ATXN10: variants seen among roughly 807,000 people sequenced by gnomAD.
The protein encoded by ATXN10 is ataxin 10.
A neutral mutation model predicts 52.9 loss-of-function variants in ATXN10; 28 were observed. The ratio of observed to expected loss-of-function variants is 0.53; its 90% CI spans 0.39 to 0.73. The LOEUF is 0.73. Ranked by LOEUF, ATXN10 falls within the 30% of genes least tolerant of loss-of-function variation. The pLI, the probability that ATXN10 is intolerant of heterozygous loss-of-function variation, is 0.00. For synonymous variants in ATXN10, 226 were observed against 221.5 expected (o/e 1.02, Z -0.18); for missense variants, 565 against 577.0 (o/e 0.98, Z 0.21).
chr22:45,778,589 T>A (rs571890343), intron 9 of ATXN10, among the ~76,000 whole-genome samples: 2 of 152,320 alleles, frequency 1.3e-5, no homozygotes, highest in South Asian at 4.1e-4. Flanking sequence ...AGGTTTTTAC[T>A]GAAATAACGA....
rs550197622 is a variant in ATXN10, at chr22:45,762,473, G to C, written c.1173+21935G>C. Among the ~76,000 whole-genome samples the C allele has an allele frequency of 8.9e-4, 136 of 152,258 alleles. No individual in the cohort carries two copies. Among genetic ancestry groups the C allele is most frequent in the Non-Finnish European group, 1.3e-3 (90 of 68,000 alleles). The stretch of plus-strand genomic sequence containing the variant: ...GCATGTTCTGGCTGAGTGTTGGTGG[G>C]CTCCACCCTAGCCGAACCTGTGTCT... On this transcript the variant is annotated intron_variant, in intron 9 of 11. Transcript: ENST00000252934. This position sits in a 1 kb window ranked among gnomAD's most constrained non-coding sequence, Gnocchi z 4.3.
At chr22:45,714,351 T>C (rs1367070852) in intron 5 of ATXN10, among the ~76,000 whole-genome samples, 1 of 152,134 alleles carries the variant, frequency 6.6e-6, no homozygotes, top group Non-Finnish European at 1.5e-5. Context: ...ACATGTATTT[T>C]TCTGTTTTTG....
At position 45,811,870 on chromosome 22, in the gene ATXN10, C is replaced by T. The variant is rs572531588; in HGVS notation, c.1237+4848C>T. 5 of 444,692 alleles carry T rather than the reference C, an allele frequency of 1.1e-5. No homozygotes were observed. In the East Asian group the frequency reaches 3.5e-4, roughly 31 times the overall value. The allele number at this position is 444,692 out of a possible 1,614,324, so 27.5% of individuals were successfully genotyped here. On this transcript the variant is annotated intron_variant, in intron 10 of 11. Coordinates refer to ENST00000252934, the MANE Select transcript of ATXN10 (RefSeq NM_013236.4). ...CTGGATCATTCCTCTCTGATTCTCCCACTCCCCACACCACCTTGCATAAGC... is the reference window on the plus strand; with the variant it reads ...CTGGATCATTCCTCTCTGATTCTCCTACTCCCCACACCACCTTGCATAAGC...
At chr22:45,697,201 C>A (rs1411660145) in intron 3 of ATXN10, among the ~76,000 whole-genome samples, 1 of 151,950 alleles carries the variant, frequency 6.6e-6, no homozygotes, top group Non-Finnish European at 1.5e-5. Context: ...GTGGCACAAT[C>A]TCGGCTCACT....
chr22:45,734,113 T>C (rs918777586), intron 7 of ATXN10, among the ~76,000 whole-genome samples: 1 of 152,154 alleles, frequency 6.6e-6, no homozygotes, highest in Non-Finnish European at 1.5e-5. Context: ...AATGTTATAG[T>C]GAACATCCTT....
intron 9 of ATXN10, among the ~76,000 whole-genome samples, chr22:45,746,875 G>A (rs1377988686): frequency 6.6e-6 from 1 of 152,110 alleles, no homozygotes. Flanking sequence ...TTCAGTATAC[G>A]TGTGCTGTTG....
In ATXN10 at chr22:45,707,552, G is replaced by A. The variant is rs140549227; in HGVS notation, c.647+4705G>A. 1.3e-3 allele frequency among the ~76,000 whole-genome samples: 203 copies of A among 151,684 alleles called. 1 individual carries two copies. The highest frequency in any genetic ancestry group is 4.8e-3 in the African/African-American group (197 of 41,412). On this transcript the variant is annotated intron_variant, in intron 5 of 11. Coordinates refer to ENST00000252934, the MANE Select transcript of ATXN10 (RefSeq NM_013236.4). ...TTTATTTGTTGAGTACCTTGGGTCT[G>A]TATTTTAATCATCTGCAGTTTTTTT...
At chr22:45,698,092 A>C (rs1484567953) in intron 3 of ATXN10, among the ~76,000 whole-genome samples, 1 of 152,090 alleles carries the variant, frequency 6.6e-6, no homozygotes. Context: ...GTCTATCATG[A>C]GTCATGCTGT....
rs1261366114 is a variant in ATXN10 at position 45,818,578 on chromosome 22, C to T, written c.1237+11556C>T. 6.6e-6 allele frequency among the ~76,000 whole-genome samples: 1 copy of T among 152,104 alleles called. No individual in the cohort carries two copies. Among genetic ancestry groups the T allele is most frequent in the East Asian group, 1.9e-4 (1 of 5,180 alleles). ...TCCTTTTTGGTTTGAAGGTGACCACCCTCGCTTTCAGCGGACCGGGGCAGG... is the reference window on the plus strand; with the variant it reads ...TCCTTTTTGGTTTGAAGGTGACCACTCTCGCTTTCAGCGGACCGGGGCAGG... On this transcript the variant is annotated intron_variant, in intron 10 of 11. Transcript: ENST00000252934. The surrounding 1 kb of genome is among the most constrained non-coding windows in gnomAD (Gnocchi z 4.6).
chr22:45,751,062 C>T (rs940408929), intron 9 of ATXN10, among the ~76,000 whole-genome samples: 2 of 152,034 alleles, frequency 1.3e-5, no homozygotes, highest in South Asian at 4.2e-4. Flanking sequence ...TCCTGAGTAG[C>T]TGGGATTACA....
chr22:45,731,457 C>T (rs572162567), intron 7 of ATXN10, among the ~76,000 whole-genome samples: 24 of 152,278 alleles, frequency 1.6e-4, no homozygotes, highest in Admixed American at 1.4e-3. Context: ...TATTTCATTG[C>T]ATGTATATTA....
rs1242409896 is a variant in ATXN10, at chr22:45,790,491, A to C, written c.1174-16468A>C. Among the ~76,000 whole-genome samples the C allele has an allele frequency of 6.6e-6, 1 of 152,230 alleles. No homozygotes were observed. On this transcript the variant is annotated intron_variant, in intron 9 of 11. Coordinates refer to ENST00000252934, the MANE Select transcript of ATXN10 (RefSeq NM_013236.4). The surrounding 1 kb of genome is among the most constrained non-coding windows in gnomAD (Gnocchi z 4.7). ...AAACCAATACTTCTTACTTGTTGCC[A>C]ACTAGCAGACCATAGCAGAAAGTCT... is the stretch of plus-strand genomic sequence containing the variant.
chr22:45,733,396 T>C lies in ATXN10; in HGVS notation c.894+3806T>C, dbSNP rs1925162522. ...TTTGTATTACGCAAATAATGCTTGC[T>C]TTGTTGTTAAAAATTATTTAAGCTG... On this transcript the variant is annotated intron_variant, in intron 7 of 11. Coordinates refer to ENST00000252934, the MANE Select transcript of ATXN10 (RefSeq NM_013236.4). The surrounding 1 kb of genome is among the most constrained non-coding windows in gnomAD (Gnocchi z 4.4). 6.6e-6 allele frequency among the ~76,000 whole-genome samples: 1 copy of C among 152,230 alleles called. No homozygotes were observed. The highest frequency in any genetic ancestry group is 6.5e-5 in the Admixed American group (1 of 15,284).
chr22:45,806,826 A>G, intron 9 of ATXN10, 133 bp from the exon 10 acceptor site: 3 of 729,466 alleles, frequency 4.1e-6, no homozygotes, highest in Non-Finnish European at 7.3e-6. Context: ...CTGGGTTGAT[A>G]TAGATATTTC....
chr22:45,812,604 A>G (rs1423485214), intron 10 of ATXN10, among the ~76,000 whole-genome samples: 1 of 152,166 alleles, frequency 6.6e-6, no homozygotes, highest in Non-Finnish European at 1.5e-5. Flanking sequence ...TTTTCTAGTA[A>G]TTAGCACCAT....
At chr22:45,785,687 C>A (rs574142453) in intron 9 of ATXN10, among the ~76,000 whole-genome samples, 19 of 152,210 alleles carry the variant, frequency 1.2e-4, no homozygotes, top group African/African-American at 4.6e-4. Flanking sequence ...CCAGGCTTAA[C>A]TCAGTGCTCC....
At chr22:45,807,194 G>A in intron 10 of ATXN10, 172 bp downstream of exon 10, 1 of 710,118 alleles carries the variant, frequency 1.4e-6, no homozygotes, top group Non-Finnish European at 2.6e-6. Context: ...TATCATTTCT[G>A]TAACCTTTGT....
At chr22:45,702,583 C>A in intron 4 of ATXN10, 106 bp from the exon 5 acceptor site, 1 of 1,032,552 alleles carries the variant, frequency 9.7e-7, no homozygotes, top group Non-Finnish European at 1.5e-6. Flanking sequence ...ATTCTAAATC[C>A]TCAAAAGTAT....
At chr22:45,804,735 A>C (rs939125983) in intron 9 of ATXN10, among the ~76,000 whole-genome samples, 6 of 152,166 alleles carry the variant, frequency 3.9e-5, no homozygotes, top group Admixed American at 3.9e-4. Flanking sequence ...TAATTTTTTA[A>C]AAGTAGATAA....
Sources: gnomAD v4.1 joint callset for allele counts (sites outside exome capture counted in the v4.1 genomes callset) on GRCh38, gnomAD v4.1.1 for gene constraint, Gnocchi (gnomAD v3.1) non-coding constraint, MANE v1.5 for transcripts, NCBI Gene and HGNC (gene_info 2026-07-23, HGNC 2026-07-21) for gene names.